MAPK9: variants seen among roughly 807,000 people sequenced by gnomAD.
MAPK9 encodes the protein mitogen-activated protein kinase 9, also known as Jun kinase.
Under a neutral mutation model 57.1 loss-of-function variants are expected in MAPK9, and 30 were observed. The ratio of observed to expected loss-of-function variants is 0.53; its 90% CI spans 0.39 to 0.71. The LOEUF (loss-of-function observed/expected upper bound fraction) is 0.71. Among genes scored for constraint, MAPK9 ranks in the 30% least tolerant of loss-of-function variants. The probability of loss-of-function intolerance (pLI) is 0.00; values close to 1 mark genes in which losing one functional copy is unlikely to be tolerated. For missense variants in MAPK9, 362 were observed against 521.0 expected (o/e 0.69, Z 2.97); for synonymous variants, 155 against 177.0 (o/e 0.88, Z 0.99).
chr5:180,251,907 G>A (rs1056225089), intron 5 of MAPK9, among the ~76,000 whole-genome samples: 1 of 152,136 alleles, frequency 6.6e-6, no homozygotes, highest in African/African-American at 2.4e-5. Flanking sequence ...TCCCAGGAAG[G>A]AGCACATCAT....
In MAPK9 at chr5:180,235,828, T is replaced by C. The variant is rs1467548391; in HGVS notation, c.*556A>G. The C allele has an allele frequency of 6.6e-6, 1 of 152,560 alleles. No homozygotes were observed. Among genetic ancestry groups the C allele is most frequent in the Non-Finnish European group, 1.5e-5 (1 of 68,050 alleles). 9.5% of individuals were successfully genotyped at this position (152,560 alleles called of 1,614,324 possible). ...TATTAAATAGATTTAATTATATGTC[T>C]TCTGAAATACAAAAGATAGAATAAA... On this transcript the variant is annotated 3_prime_UTR_variant, in exon 12 of 12. Transcript: ENST00000452135.
intron 5 of MAPK9, among the ~76,000 whole-genome samples, chr5:180,255,183 G>A (rs113880909): frequency 6.4e-4 from 97 of 152,232 alleles, no homozygotes; most frequent in African/African-American, 2.3e-3. Flanking sequence ...TCATGTGAGA[G>A]GGCAGAATAA....
At chr5:180,269,629 T>C (rs1761065603) in intron 2 of MAPK9, among the ~76,000 whole-genome samples, 1 of 152,244 alleles carries the variant, frequency 6.6e-6, no homozygotes, top group African/African-American at 2.4e-5. Flanking sequence ...ACAGTTAAGA[T>C]GGGGTTCAGC....
chr5:180,249,581 C>A (rs1216977516), intron 5 of MAPK9, among the ~76,000 whole-genome samples: 1 of 152,254 alleles, frequency 6.6e-6, no homozygotes, highest in African/African-American at 2.4e-5. Flanking sequence ...TTCCCCAATA[C>A]TCTGACTCTC....
In MAPK9 at chr5:180,241,046, G is replaced by A. The variant is rs79617115; in HGVS notation, c.981C>T (p.Pro327=). The A allele has an allele frequency of 1.9e-5, 31 of 1,611,162 alleles. No individual in the cohort carries two copies. Among genetic ancestry groups the A allele is most frequent in the African/African-American group, 1.5e-4 (11 of 74,666 alleles). ...AGATACTCACGGCTTCTGCTTCGGCGGGGTCATACCAAACAGTGATGTATG... is the reference window on the plus strand; with the variant it reads ...AGATACTCACGGCTTCTGCTTCGGCAGGGTCATACCAAACAGTGATGTATG... ...RHPYITVWYD[P]AEAEAPPPQI... is the part of the protein sequence containing the mutation. Residue 327 remains proline, a synonymous_variant, in exon 9 of 12, where the codon CCC becomes CCT. Transcript: ENST00000452135.
chr5:180,291,680 G>T (rs949925619), intron 1 of MAPK9, among the ~76,000 whole-genome samples, 168 bp downstream of exon 1: 33 of 151,514 alleles, frequency 2.2e-4, no homozygotes, highest in African/African-American at 7.5e-4. Flanking sequence ...CCGGGCGGAA[G>T]GGGGCGCCTG....
At chr5:180,260,389 G>T (rs1395638229) in intron 5 of MAPK9, among the ~76,000 whole-genome samples, 1 of 151,978 alleles carries the variant, frequency 6.6e-6, no homozygotes, top group South Asian at 2.1e-4. Flanking sequence ...CTCCCACTGA[G>T]AACAAATCTT....
At chr5:180,238,145 C>G in intron 11 of MAPK9, 187 bp downstream of exon 11, 1 of 449,566 alleles carries the variant, frequency 2.2e-6, no homozygotes, top group Non-Finnish European at 4.1e-6. Flanking sequence ...TGGCGCGTGC[C>G]TGTAGTCCCA....
intron 2 of MAPK9, among the ~76,000 whole-genome samples, chr5:180,275,984 A>G (rs929404559): frequency 2.0e-5 from 3 of 151,928 alleles, no homozygotes; most frequent in Admixed American, 2.0e-4. Context: ...CACCATCTTA[A>G]ATGAGAAGTT....
chr5:180,269,063 C>T (rs1561828548), intron 3 of MAPK9, among the ~76,000 whole-genome samples: 2 of 152,076 alleles, frequency 1.3e-5, no homozygotes, highest in Non-Finnish European at 1.5e-5. Context: ...GGCATGAACC[C>T]GGGAGGTGGA....
At chr5:180,237,814 T>G (rs34106370) in intron 11 of MAPK9, 4,203 of 152,504 alleles carry the variant, frequency 0.028, 126 homozygotes, top group South Asian at 0.07. Flanking sequence ...CAGGCTGGCA[T>G]TTCACATGTT....
chr5:180,275,297 A>G (rs1239207342), intron 2 of MAPK9, among the ~76,000 whole-genome samples: 1 of 152,154 alleles, frequency 6.6e-6, no homozygotes. Context: ...ACCTGGGGGC[A>G]CTAGCAATTT....
At chr5:180,282,848 C>T (rs1246724707) in intron 1 of MAPK9, among the ~76,000 whole-genome samples, 3 of 152,164 alleles carry the variant, frequency 2.0e-5, no homozygotes. Context: ...CAGGAGGAGG[C>T]CCTGCACACC....
At chr5:180,245,886 T>A (rs1291594439) in intron 7 of MAPK9, 1 of 152,194 alleles carries the variant, frequency 6.6e-6, no homozygotes, top group Non-Finnish European at 1.5e-5. Context: ...CTTTTTTCTA[T>A]CTCCCAAATT....
In MAPK9 at chr5:180,236,303, G is replaced by T; in HGVS notation, c.*81C>A. On this transcript the variant is annotated 3_prime_UTR_variant, in exon 12 of 12. Coordinates refer to ENST00000452135, the MANE Select transcript of MAPK9 (RefSeq NM_002752.5). ...TGCAGAACATGGAGTTTTTCTATTT[G>T]GTTCCATCAACTCCCAAGCATTTCA... The T allele has an allele frequency of 2.1e-6, 3 of 1,428,066 alleles. No individual in the cohort carries two copies. The highest frequency in any genetic ancestry group is 2.4e-5 in the East Asian group (1 of 42,170). The allele number at this position is 1,428,066 out of a possible 1,614,324, so 88.5% of individuals were successfully genotyped here. A position where few individuals can be genotyped will look rare whatever the true frequency, so the allele number is the denominator to read the frequency against.
Position 180,239,952 on chromosome 5 carries a change from T to C in MAPK9, c.1032A>G (p.Glu344=). 6.2e-7 allele frequency: 1 copy of C among 1,613,794 alleles called. No individual in the cohort carries two copies. Among genetic ancestry groups the C allele is most frequent in the Non-Finnish European group, 8.5e-7 (1 of 1,179,906 alleles). Residue 344 remains glutamate (E), a synonymous_variant, in exon 10 of 12, where the codon GAA becomes GAG. Transcript: ENST00000452135. ...TCCATTCTTCAATTGCATGTTCTCT[T>C]TCTTCCAACTGGGCATCATAAATTT... ...PPQIYDAQLE[E]REHAIEEWKE...
intron 1 of MAPK9, among the ~76,000 whole-genome samples, chr5:180,288,210 A>C (rs1003613114): frequency 9.9e-5 from 15 of 152,226 alleles, no homozygotes; most frequent in African/African-American, 3.4e-4. Flanking sequence ...AAACACATTC[A>C]ATTACACTGC....
chr5:180,280,430 C>G lies in MAPK9; in HGVS notation c.122+10G>C, dbSNP rs1354989092. On this transcript the variant is annotated intron_variant, in intron 2 of 11. Coordinates refer to ENST00000452135, the MANE Select transcript of MAPK9 (RefSeq NM_002752.5). ...ACTCAATCCACGCTATTAAAACAGA[C>G]CATACTTACCAAACAATCCCTTGGG... The G allele has an allele frequency of 6.2e-7, 1 of 1,613,320 alleles. No homozygotes were observed. The highest frequency in any genetic ancestry group is 8.5e-7 in the Non-Finnish European group (1 of 1,179,768).
chr5:180,273,282 A>T (rs1411410355), intron 2 of MAPK9, among the ~76,000 whole-genome samples: 1 of 152,042 alleles, frequency 6.6e-6, no homozygotes, highest in African/African-American at 2.4e-5. Context: ...TCAGTCATAT[A>T]TCTTCTCACA....
Sources: gnomAD v4.1 joint callset for allele counts (sites outside exome capture counted in the v4.1 genomes callset) on GRCh38, gnomAD v4.1.1 for gene constraint, MANE v1.5 for transcripts, NCBI Gene and HGNC (gene_info 2026-07-23, HGNC 2026-07-21) for gene names.